The following BIN1 variants were observed in gnomAD, a reference collection of about 807,000 sequenced individuals.
BIN1 encodes the protein myc box-dependent-interacting protein 1.
BIN1 carries 53 observed loss-of-function variants against 82.0 expected under a neutral mutation model. That is an observed-to-expected ratio of 0.65 (90% CI 0.52 to 0.81). The LOEUF (loss-of-function observed/expected upper bound fraction) is 0.81. BIN1 is among the 40% of genes least tolerant of loss of function. BIN1 has a pLI of 0.00. For missense variants in BIN1, 642 were observed against 784.4 expected (o/e 0.82, Z 2.17); for synonymous variants, 302 against 328.0 (o/e 0.92, Z 0.86).
intron 2 of BIN1, among the ~76,000 whole-genome samples, chr2:127,073,901 C>A (rs942383095): frequency 2.6e-5 from 4 of 152,132 alleles, no homozygotes; most frequent in Admixed American, 6.5e-5. Context: ...AGCAGGCCCC[C>A]ATGGGCTCTC....
intron 1 of BIN1, among the ~76,000 whole-genome samples, chr2:127,092,126 CCT>C (rs1679015846): frequency 6.6e-6 from 1 of 152,138 alleles, no homozygotes. Context: ...ACCTCTACCC[CCT>C]GTCCCTGCCC....
In BIN1 at chr2:127,058,171, G is replaced by C. The variant is rs535800100; in HGVS notation, c.1003-570C>G. On this transcript the variant is annotated intron_variant, in intron 11 of 18. Transcript: ENST00000316724. ...CCTGCCCACCAGGTGGGGGACCTCA[G>C]GCAGGTCACACACCCATGACGCTGG... Among the ~76,000 whole-genome samples the C allele has an allele frequency of 3.9e-5, 6 of 152,336 alleles. No homozygotes were observed. In the East Asian group the frequency reaches 1.2e-3, roughly 29 times the overall value.
rs985571836 is a variant in BIN1, at chr2:127,082,306, G to C, written c.85-5600C>G. Among the ~76,000 whole-genome samples the C allele has an allele frequency of 1.3e-5, 2 of 152,180 alleles. No individual in the cohort carries two copies. Among genetic ancestry groups the C allele is most frequent in the Non-Finnish European group, 2.9e-5 (2 of 68,018 alleles). ...GATGATGACACAGGGCTGGCCTCGGGGATCTTTCCGCCCTCATGCTCCAGG... is the reference window on the plus strand; with the variant it reads ...GATGATGACACAGGGCTGGCCTCGGCGATCTTTCCGCCCTCATGCTCCAGG... On this transcript the variant is annotated intron_variant, in intron 1 of 18. Coordinates refer to ENST00000316724, the MANE Select transcript of BIN1 (RefSeq NM_139343.3). This position sits in a 1 kb window ranked among gnomAD's most constrained non-coding sequence, Gnocchi z 6.1.
chr2:127,105,472 CTCCT>C, intron 1 of BIN1, among the ~76,000 whole-genome samples: 1 of 59,120 alleles, frequency 1.7e-5, no homozygotes, highest in Non-Finnish European at 3.8e-5. Context: ...TTAATCCCTC[CTCCT>C]CCTCCTCCTC....
At chr2:127,073,491 G>A (rs545828700) in intron 2 of BIN1, among the ~76,000 whole-genome samples, 7 of 152,250 alleles carry the variant, frequency 4.6e-5, no homozygotes, top group East Asian at 3.9e-4. Flanking sequence ...GCTCCAGCGC[G>A]GCTGGGCTCA....
At chr2:127,065,799 G>A (rs1212788356) in intron 7 of BIN1, among the ~76,000 whole-genome samples, 4 of 152,232 alleles carry the variant, frequency 2.6e-5, no homozygotes. Flanking sequence ...AGCGGGGACA[G>A]TTCCGCTTGA....
intron 1 of BIN1, 139 bp from the exon 2 acceptor site, chr2:127,076,845 A>T: frequency 1.1e-6 from 1 of 913,380 alleles, no homozygotes; most frequent in Non-Finnish European, 1.8e-6. Flanking sequence ...GTGCCCACCC[A>T]GGGCTGCAAT....
chr2:127,107,109 G>GGCGAGCGAGCCAGCGAGCTAGCCA lies in BIN1; in HGVS notation c.-190_-167dup. 4.2e-6 allele frequency: 3 copies of GGCGAGCGAGCCAGCGAGCTAGCCA among 712,970 alleles called. No individual in the cohort carries two copies. Among genetic ancestry groups the GGCGAGCGAGCCAGCGAGCTAGCCA allele is most frequent in the Non-Finnish European group, 6.0e-6 (3 of 503,460 alleles). The allele number at this position is 712,970 out of a possible 1,614,324, so 44.2% of individuals were successfully genotyped here. A position where few individuals can be genotyped will look rare whatever the true frequency, so the allele number is the denominator to read the frequency against. On this transcript the variant is annotated 5_prime_UTR_variant, in exon 1 of 19. Coordinates refer to ENST00000316724, the MANE Select transcript of BIN1 (RefSeq NM_139343.3). The surrounding 1 kb of genome is among the most constrained non-coding windows in gnomAD (Gnocchi z 5.9). Reference sequence around the variant, plus strand: ...ACGGAGGCGGAGCGTGCGCCGGACGGGCGAGCGAGCCAGCGAGCTAGCCAG... The same window carrying GGCGAGCGAGCCAGCGAGCTAGCCA: ...ACGGAGGCGGAGCGTGCGCCGGACGGGCGAGCGAGCCAGCGAGCTAGCCAGCGAGCGAGCCAGCGAGCTAGCCAG...
rs765569791 is a variant in BIN1 at position 127,068,140 on chromosome 2, G to C, written c.612+23C>G. 6.2e-7 allele frequency: 1 copy of C among 1,607,866 alleles called. No homozygotes were observed. The highest frequency in any genetic ancestry group is 8.5e-7 in the Non-Finnish European group (1 of 1,176,342). On this transcript the variant is annotated intron_variant, in intron 7 of 18. Coordinates refer to ENST00000316724, the MANE Select transcript of BIN1 (RefSeq NM_139343.3). The surrounding 1 kb of genome is among the most constrained non-coding windows in gnomAD (Gnocchi z 4.9). ...GACAGACCGGAAGGCGCCAGCACGT[G>C]CAAGGTTAGAAGCCAGTGTCACCTG...
intron 1 of BIN1, among the ~76,000 whole-genome samples, chr2:127,105,083 G>A (rs1333807168): frequency 6.6e-6 from 1 of 152,204 alleles, no homozygotes; most frequent in Non-Finnish European, 1.5e-5. Flanking sequence ...GGTGTCTCAG[G>A]AGCTCAGTGA....
Position 127,093,005 on chromosome 2 carries a change from C to A in BIN1, c.84+13855G>T, listed in dbSNP as rs1679133000. On this transcript the variant is annotated intron_variant, in intron 1 of 18. Coordinates refer to ENST00000316724, the MANE Select transcript of BIN1 (RefSeq NM_139343.3). This position sits in a 1 kb window ranked among gnomAD's most constrained non-coding sequence, Gnocchi z 5.7. ...TCCCTCTAAAAAAAAAAAAAAATCC[C>A]AGGAGGGAGCCAAAGGAGTGGGGCA... Among the ~76,000 whole-genome samples, 1 of 152,020 alleles carries A rather than the reference C, an allele frequency of 6.6e-6. No individual in the cohort carries two copies. The highest frequency in any genetic ancestry group is 1.5e-5 in the Non-Finnish European group (1 of 67,984).
At chr2:127,076,207 A>T (rs1046492898) in intron 2 of BIN1, among the ~76,000 whole-genome samples, 1 of 152,060 alleles carries the variant, frequency 6.6e-6, no homozygotes, top group Non-Finnish European at 1.5e-5. Flanking sequence ...CCAGGCACAC[A>T]CCATGCTCAG....
intron 1 of BIN1, 37 bp from the exon 2 acceptor site, chr2:127,076,743 T>C (rs1385135299): frequency 1.2e-6 from 2 of 1,611,924 alleles, no homozygotes; most frequent in Non-Finnish European, 1.7e-6. Flanking sequence ...AGTGTTACCT[T>C]GGAAAGGAGA....
intron 2 of BIN1, among the ~76,000 whole-genome samples, chr2:127,073,093 G>T (rs1686119187): frequency 6.6e-6 from 1 of 152,230 alleles, no homozygotes; most frequent in Admixed American, 6.5e-5. Context: ...CCGTACCAGG[G>T]CTCCTTGTGT....
chr2:127,103,409 C>T lies in BIN1; in HGVS notation c.84+3451G>A, dbSNP rs945409581. On this transcript the variant is annotated intron_variant, in intron 1 of 18. Coordinates refer to ENST00000316724, the MANE Select transcript of BIN1 (RefSeq NM_139343.3). ...CACCTTCCTTTAGCGAGCCTCTTCT[C>T]GGCATGTCAGCGCTGTGCTGGGCAC... Among the ~76,000 whole-genome samples, 7 of 152,260 alleles carry T rather than the reference C, an allele frequency of 4.6e-5. No individual in the cohort carries two copies. In the East Asian group the frequency reaches 9.7e-4, roughly 21 times the overall value.
At chr2:127,053,290 G>T in intron 14 of BIN1, 132 bp downstream of exon 14, 1 of 1,321,588 alleles carries the variant, frequency 7.6e-7, no homozygotes, top group Non-Finnish European at 1.1e-6. Flanking sequence ...GTGAGCACGT[G>T]CCTGTGTGTC....
chr2:127,066,321 C>G (rs897549670), intron 7 of BIN1, among the ~76,000 whole-genome samples: 2 of 152,218 alleles, frequency 1.3e-5, no homozygotes, highest in African/African-American at 4.8e-5. Context: ...CACAGCCCAG[C>G]ACCCAAAGGT....
chr2:127,071,303 C>T (rs1685861603), intron 2 of BIN1, among the ~76,000 whole-genome samples: 1 of 152,148 alleles, frequency 6.6e-6, no homozygotes, highest in Admixed American at 6.5e-5. Flanking sequence ...CCCACTGCCT[C>T]GTACTAGGAA....
At position 127,076,865 on chromosome 2, in the gene BIN1, T is replaced by G. The variant is rs145058367; in HGVS notation, c.85-159A>C. Among the ~76,000 whole-genome samples, 225 of 152,146 alleles carry G rather than the reference T, an allele frequency of 1.5e-3. 2 individuals are homozygous for G. In the East Asian group the frequency reaches 0.033, roughly 23 times the overall value. On this transcript the variant is annotated intron_variant, in intron 1 of 18. Transcript: ENST00000316724. ...CACCCAGGGCTGCAATCCCAGGGCA[T>G]GGCTGGGTCCATCAGGTTTTCAGGC...
Sources: allele counts gnomAD v4.1 joint callset (sites outside exome capture counted in the v4.1 genomes callset), GRCh38; gene constraint gnomAD v4.1.1; non-coding constraint Gnocchi (gnomAD v3.1); transcripts MANE v1.5; gene names NCBI Gene and HGNC (gene_info 2026-07-23, HGNC 2026-07-21).